Variants in TNRC6C observed in about 807,000 individuals in gnomAD.
TNRC6C encodes the protein trinucleotide repeat-containing gene 6C protein.
A neutral mutation model predicts 153.7 loss-of-function variants in TNRC6C; 20 were observed. The ratio of observed to expected loss-of-function variants is 0.13; its 90% CI spans 0.09 to 0.19. The LOEUF (loss-of-function observed/expected upper bound fraction) is 0.19, where lower values mean the gene tolerates loss of function less well. TNRC6C is among the 10% of genes least tolerant of loss of function. TNRC6C has a pLI of 1.00. For missense variants in TNRC6C, 1,987 were observed against 2,172.0 expected (o/e 0.91, Z 1.69); for synonymous variants, 811 against 841.4 (o/e 0.96, Z 0.63).
intron 13 of TNRC6C, among the ~76,000 whole-genome samples, chr17:78,087,704 G>A (rs2144514233): frequency 6.6e-6 from 1 of 152,236 alleles, no homozygotes; most frequent in Middle Eastern, 3.4e-3. Flanking sequence ...AAAAAGCAGT[G>A]GTTGTTGATA....
chr17:78,028,861 G>A (rs2071999698), intron 1 of TNRC6C, among the ~76,000 whole-genome samples: 1 of 152,168 alleles, frequency 6.6e-6, no homozygotes, highest in Admixed American at 6.5e-5. Flanking sequence ...CAAAATAGAT[G>A]TAATGTCCTG....
At chr17:78,087,163 A>C in intron 13 of TNRC6C, 70 bp downstream of exon 15, 1 of 1,561,162 alleles carries the variant, frequency 6.4e-7, no homozygotes, top group Non-Finnish European at 8.7e-7. Flanking sequence ...TGTGGTAGCC[A>C]GGGCAGCATT....
chr17:77,985,795 C>T (rs2071157988), intron 1 of TNRC6C, among the ~76,000 whole-genome samples: 1 of 152,130 alleles, frequency 6.6e-6, no homozygotes, highest in African/African-American at 2.4e-5. Context: ...ATAGTACCTA[C>T]ATTCGTGTTT....
At chr17:78,042,232 G>A (rs974759959) in intron 2 of TNRC6C, among the ~76,000 whole-genome samples, 1 of 152,096 alleles carries the variant, frequency 6.6e-6, no homozygotes, top group African/African-American at 2.4e-5. Flanking sequence ...CGTTATACAT[G>A]AGCTTCATTT....
chr17:78,071,264 C>G (rs1003366719), intron 6 of TNRC6C, 99 bp downstream of exon 8: 2 of 1,204,042 alleles, frequency 1.7e-6, no homozygotes, highest in African/African-American at 3.0e-5. Flanking sequence ...CAGAAGACAC[C>G]AAGATTGTTT....
intron 7 of TNRC6C, among the ~76,000 whole-genome samples, chr17:78,073,461 A>G (rs1042585636): frequency 6.6e-6 from 1 of 152,252 alleles, no homozygotes; most frequent in Admixed American, 6.5e-5. Context: ...AGGGGCCACC[A>G]GAAGCGTTGC....
chr17:78,083,066 A>G (rs764161570), exon 11 of TNRC6C: 1 of 1,613,932 alleles, frequency 6.2e-7, no homozygotes, highest in East Asian at 2.2e-5. Context: ...CAGCTTTTGC[A>G]GTTTGCAGCA....
rs781264710 is a variant in TNRC6C, at chr17:78,061,185, G to T, written c.2396-3537G>T. ...TATTCTGCAAAAAGCAGTAGTATTT[G>T]AAGGATCATTTTTAAAAGTTTAATA... On this transcript the variant is annotated intron_variant, in intron 3 of 19. Coordinates refer to ENST00000301624, the Ensembl canonical transcript of TNRC6C. 5.5e-4 allele frequency among the ~76,000 whole-genome samples: 84 copies of T among 152,154 alleles called. 1 individual carries two copies. The highest frequency in any genetic ancestry group is 8.7e-4 in the Non-Finnish European group (59 of 68,024).
rs559218086 is a variant in TNRC6C, at chr17:77,992,275, G to A, written c.-37-11895G>A. Among the ~76,000 whole-genome samples, 95 of 50,868 alleles carry A rather than the reference G, an allele frequency of 1.9e-3. 25 individuals are homozygous for A. Among genetic ancestry groups the A allele is most frequent in the Non-Finnish European group, 2.6e-3 (79 of 29,950 alleles). 33.4% of individuals were successfully genotyped at this position (50,868 alleles called of 152,430 possible). A position where few individuals can be genotyped will look rare whatever the true frequency, so the allele number is the denominator to read the frequency against. On this transcript the variant is annotated intron_variant, in intron 1 of 22. Coordinates refer to the TNRC6C transcript ENST00000636222. ...AGCACTTTGGGAGGCCGAGACGGGC[G>A]GATCACGAGGTCAGGAGATCGAGAC...
chr17:78,020,728 A>C (rs2071816255), intron 1 of TNRC6C, among the ~76,000 whole-genome samples: 1 of 152,244 alleles, frequency 6.6e-6, no homozygotes. Flanking sequence ...TTCAATGTGA[A>C]AGCAACAGAA....
chr17:78,016,382 C>G (rs1055276073), intron 1 of TNRC6C, among the ~76,000 whole-genome samples: 9 of 152,262 alleles, frequency 5.9e-5, no homozygotes, highest in African/African-American at 2.2e-4. Flanking sequence ...AGCCTCAGCT[C>G]TCCTTGCACG....
In TNRC6C at chr17:77,993,372, T is replaced by C. The variant is rs16970726; in HGVS notation, c.-37-10798T>C. On this transcript the variant is annotated intron_variant, in intron 1 of 22. Transcript: ENST00000636222. ...ATATTTGCTTCTTGAGATTGGTATA[T>C]GAACATAGTATTAGATTTACAGTTC... 2.1e-3 allele frequency among the ~76,000 whole-genome samples: 316 copies of C among 152,380 alleles called. 4 individuals are homozygous for C. Among genetic ancestry groups the C allele is most frequent in the African/African-American group, 6.9e-3 (288 of 41,592 alleles).
intron 16 of TNRC6C, among the ~76,000 whole-genome samples, chr17:78,094,202 G>T (rs1250969000): frequency 6.6e-6 from 1 of 151,712 alleles, no homozygotes; most frequent in Non-Finnish European, 1.5e-5. Context: ...GGCTGGTCTC[G>T]AACTCCTGAC....
intron 1 of TNRC6C, among the ~76,000 whole-genome samples, chr17:78,005,717 A>T (rs536732607): frequency 3.3e-4 from 50 of 152,328 alleles, no homozygotes; most frequent in African/African-American, 8.4e-4. Context: ...CAGGAGTCAC[A>T]TAAACTAGCT....
Position 78,079,682 on chromosome 17 carries a change from C to A in TNRC6C, c.3357+141C>A. ...TAAGAGAAGGCCTTCTGGTTTTTAACCTATAAATTAATTTTAGACTATAAA... is the reference window on the plus strand; with the variant it reads ...TAAGAGAAGGCCTTCTGGTTTTTAAACTATAAATTAATTTTAGACTATAAA... On this transcript the variant is annotated intron_variant, in intron 10 of 19. Coordinates refer to ENST00000301624, the Ensembl canonical transcript of TNRC6C. This position sits in a 1 kb window ranked among gnomAD's most constrained non-coding sequence, Gnocchi z 4.3. 1.8e-6 allele frequency: 2 copies of A among 1,129,638 alleles called. No homozygotes were observed. The highest frequency in any genetic ancestry group is 1.2e-6 in the Non-Finnish European group (1 of 816,968). The allele number at this position is 1,129,638 out of a possible 1,614,324, so 70.0% of individuals were successfully genotyped here.
chr17:78,058,935 G>A (rs1303713628), intron 3 of TNRC6C, among the ~76,000 whole-genome samples: 1 of 152,202 alleles, frequency 6.6e-6, no homozygotes, highest in South Asian at 2.1e-4. Context: ...CAGAGGTTGT[G>A]TGCATTAATC....
At chr17:78,004,133 T>A, upstream of TNRC6C, 1 of 1,231,504 alleles carries the variant, frequency 8.1e-7, no homozygotes, top group Non-Finnish European at 1.0e-6. Flanking sequence ...CTTAACATGA[T>A]CATCAAACTT....
chr17:78,014,878 C>T (rs925983900), intron 1 of TNRC6C, among the ~76,000 whole-genome samples: 3 of 151,866 alleles, frequency 2.0e-5, no homozygotes, highest in Non-Finnish European at 4.4e-5. Context: ...TGCTGATGAG[C>T]ACAGCAGATG....
In TNRC6C at chr17:78,104,599, C is replaced by T. The variant is rs1598801672; in HGVS notation, c.4827C>T (p.Ser1609=). ...CCACTTCCAGCTGGCAGTCCAGCAG[C>T]GCGTCCAGCCAGCCGCGGCTCAGCG... is the stretch of plus-strand genomic sequence containing the variant. Residue 1609 remains serine, a synonymous_variant, in exon 20 of 20, where the codon AGC becomes AGT. Transcript: ENST00000301624. The surrounding 1 kb of genome is among the most constrained non-coding windows in gnomAD (Gnocchi z 6.2). 1.9e-6 allele frequency: 3 copies of T among 1,552,716 alleles called. No homozygotes were observed. The highest frequency in any genetic ancestry group is 2.4e-5 in the South Asian group (2 of 84,332).
Sources: allele counts gnomAD v4.1 joint callset (sites outside exome capture counted in the v4.1 genomes callset), GRCh38; gene constraint gnomAD v4.1.1; non-coding constraint Gnocchi (gnomAD v3.1); transcripts MANE v1.5; gene names NCBI Gene and HGNC (gene_info 2026-07-23, HGNC 2026-07-21).